Variants in KCNK10 observed in about 807,000 individuals in gnomAD.
The protein encoded by KCNK10 is potassium two pore domain channel subfamily K member 10, also known as potassium channel subfamily K member 10.
In KCNK10, 25 loss-of-function variants were observed where a neutral mutation model predicts 47.7. The ratio of observed to expected loss-of-function variants is 0.52; its 90% confidence interval spans 0.38 to 0.73. KCNK10 has a LOEUF of 0.73. Ranked by LOEUF, KCNK10 falls within the 30% of genes least tolerant of loss-of-function variation. The pLI, the probability that KCNK10 is intolerant of heterozygous loss-of-function variation, is 0.00. For synonymous variants in KCNK10, 303 were observed against 285.6 expected, an observed-to-expected ratio of 1.06 and a Z score of -0.61; for missense variants, 563 against 714.5, an observed-to-expected ratio of 0.79 and a Z score of 2.42.
At chr14:88,274,426 G>C (rs1887479845) in intron 1 of KCNK10, among the ~76,000 whole-genome samples, 1 of 151,518 alleles carries the variant, frequency 6.6e-6, no homozygotes, top group Non-Finnish European at 1.5e-5. Flanking sequence ...GCCAGGCATG[G>C]TGGCGCACGC....
intron 4 of KCNK10, among the ~76,000 whole-genome samples, chr14:88,209,893 G>C (rs1416532893): frequency 6.6e-6 from 1 of 152,148 alleles, no homozygotes; most frequent in East Asian, 1.9e-4. Context: ...GTCCTACAGG[G>C]ATACAGGCCA....
At chr14:88,256,669 A>T (rs1382822760) in intron 2 of KCNK10, among the ~76,000 whole-genome samples, 1 of 151,826 alleles carries the variant, frequency 6.6e-6, no homozygotes, top group Non-Finnish European at 1.5e-5. Context: ...CAGTAGAAAT[A>T]AAATTTTTCT....
chr14:88,214,562 TC>T (rs2139855703), intron 4 of KCNK10, among the ~76,000 whole-genome samples: 1 of 152,326 alleles, frequency 6.6e-6, no homozygotes, highest in Admixed American at 6.5e-5. Context: ...ACTTTTAATG[TC>T]CTATAGTGAT....
chr14:88,205,775 C>T (rs1404728019), intron 4 of KCNK10, among the ~76,000 whole-genome samples: 1 of 152,032 alleles, frequency 6.6e-6, no homozygotes, highest in Non-Finnish European at 1.5e-5. Context: ...ATCTCTTGAC[C>T]TCATGATCCG....
At chr14:88,200,256 GA>G (rs1885062657) in intron 4 of KCNK10, among the ~76,000 whole-genome samples, 1 of 151,748 alleles carries the variant, frequency 6.6e-6, no homozygotes, top group African/African-American at 2.4e-5. Flanking sequence ...TAAGCATTAA[GA>G]AATCTTACAG....
rs777317223 is a variant in KCNK10 at position 88,185,772 on chromosome 14, G to T, written c.1395C>A (p.Asp465Glu). 4.3e-6 allele frequency: 7 copies of T among 1,614,042 alleles called. No homozygotes were observed. The Admixed American group carries it at 1.0e-4, about 23-fold the overall frequency. ...CGTCCTCGGGCAAGGTCTTTTTGAGGTCCTTGTTTTTCCTCTTGGTGAGTC... is the reference window on the plus strand; with the variant it reads ...CGTCCTCGGGCAAGGTCTTTTTGAGTTCCTTGTTTTTCCTCTTGGTGAGTC... ...TSRLTKRKNK[D>E]LKKTLPEDVQ... Residue 465 changes from aspartate to glutamate, a missense_variant, in exon 7 of 7, where the codon GAC becomes GAA. By Grantham distance (45) the Asp-to-Glu change is conservative. Coordinates refer to ENST00000319231, the MANE Select transcript of KCNK10 (RefSeq NM_138317.3). This position sits in a 1 kb window ranked among gnomAD's most constrained non-coding sequence, Gnocchi z 4.3.
At chr14:88,306,413 C>A (rs768401224) in intron 1 of KCNK10, among the ~76,000 whole-genome samples, 1 of 152,060 alleles carries the variant, frequency 6.6e-6, no homozygotes. Context: ...AAAATGGGAC[C>A]TTTTCCCTAG....
rs192046100 is a variant in KCNK10, at chr14:88,230,664, C to T, written c.521-3129G>A. On this transcript the variant is annotated intron_variant, in intron 3 of 6. Coordinates refer to ENST00000319231, the MANE Select transcript of KCNK10 (RefSeq NM_138317.3). ...ACCCTGTGCAGTCCCACAGGGCCCA[C>T]GCTTAGATGGGTCCTGTGCTTGGTT... 9.9e-5 allele frequency among the ~76,000 whole-genome samples: 15 copies of T among 152,276 alleles called. No individual in the cohort carries two copies. The East Asian group carries it at 1.9e-3, about 20-fold the overall frequency.
At chr14:88,257,866 CAA>C (rs1365221314) in intron 2 of KCNK10, among the ~76,000 whole-genome samples, 2 of 152,190 alleles carry the variant, frequency 1.3e-5, no homozygotes, top group African/African-American at 4.8e-5. Flanking sequence ...CAGTGCTTCT[CAA>C]CCTATGAGCA....
intron 2 of KCNK10, among the ~76,000 whole-genome samples, chr14:88,241,790 C>T (rs1467800741): frequency 1.3e-5 from 2 of 152,174 alleles, no homozygotes; most frequent in South Asian, 2.1e-4. Flanking sequence ...TTCACAGTTG[C>T]CCCCTTCCCC....
At chr14:88,303,070 AC>A (rs1007652300) in intron 1 of KCNK10, among the ~76,000 whole-genome samples, 32 of 152,164 alleles carry the variant, frequency 2.1e-4, no homozygotes, top group African/African-American at 5.1e-4. Context: ...GGCAAAAAAA[AC>A]ATCCTCCATG....
At chr14:88,312,681 A>G (rs1052148234) in intron 1 of KCNK10, among the ~76,000 whole-genome samples, 1 of 152,252 alleles carries the variant, frequency 6.6e-6, no homozygotes, top group Non-Finnish European at 1.5e-5. Context: ...CCCCACCTCT[A>G]GTTTCACAGT....
chr14:88,303,730 A>G (rs1052037574), intron 1 of KCNK10, among the ~76,000 whole-genome samples: 2 of 152,182 alleles, frequency 1.3e-5, no homozygotes, highest in Non-Finnish European at 2.9e-5. Flanking sequence ...GTGCAGATGC[A>G]GGTAACCTAG....
chr14:88,259,720 C>G (rs1887057017), intron 2 of KCNK10, among the ~76,000 whole-genome samples: 1 of 152,168 alleles, frequency 6.6e-6, no homozygotes, highest in Non-Finnish European at 1.5e-5. Context: ...GCCCCCCAAG[C>G]TGCTGGGATT....
intron 1 of KCNK10, among the ~76,000 whole-genome samples, chr14:88,306,482 A>G (rs1165643211): frequency 6.6e-6 from 1 of 152,196 alleles, no homozygotes; most frequent in Admixed American, 6.5e-5. Context: ...GTGGGGGAAG[A>G]TTTGTACTTC....
At chr14:88,205,009 C>T (rs750007169) in intron 4 of KCNK10, among the ~76,000 whole-genome samples, 18 of 152,180 alleles carry the variant, frequency 1.2e-4, no homozygotes, top group Admixed American at 6.5e-5. Context: ...CAATAGTTTC[C>T]CTAGCCTAAA....
chr14:88,238,045 C>A (rs1034119171), intron 3 of KCNK10, among the ~76,000 whole-genome samples: 1 of 152,186 alleles, frequency 6.6e-6, no homozygotes, highest in African/African-American at 2.4e-5. Context: ...CTTAGCTAGA[C>A]CTTCTGGATA....
At chr14:88,281,522 T>C (rs1390044663) in intron 1 of KCNK10, among the ~76,000 whole-genome samples, 2 of 152,092 alleles carry the variant, frequency 1.3e-5, no homozygotes, top group Non-Finnish European at 2.9e-5. Flanking sequence ...GAATTCTTCC[T>C]GCCTTTGGAC....
At chr14:88,282,841 T>C (rs549393419) in intron 1 of KCNK10, among the ~76,000 whole-genome samples, 55 of 152,244 alleles carry the variant, frequency 3.6e-4, no homozygotes, top group African/African-American at 1.3e-3. Flanking sequence ...TGCACAAAAA[T>C]CAACAGAGGC....
Sources: gnomAD v4.1 joint callset for allele counts (sites outside exome capture counted in the v4.1 genomes callset) on GRCh38, gnomAD v4.1.1 for gene constraint, Gnocchi (gnomAD v3.1) non-coding constraint, MANE v1.5 for transcripts, NCBI Gene and HGNC (gene_info 2026-07-23, HGNC 2026-07-21) for gene names.